The following UNC13C variants were observed in gnomAD, a reference collection of about 807,000 sequenced individuals.
UNC13C encodes unc-13 homolog C.
UNC13C carries 174 observed loss-of-function variants against 245.4 expected under a neutral mutation model. That is an observed-to-expected ratio of 0.71 (90% confidence interval 0.63 to 0.80). The LOEUF (loss-of-function observed/expected upper bound fraction) is 0.80. Ranked by LOEUF, UNC13C falls within the 30% of genes least tolerant of loss-of-function variation. UNC13C has a pLI of 0.00. For missense variants in UNC13C, 2,829 were observed against 2,602.9 expected (o/e 1.09, Z -1.89); for synonymous variants, 992 against 895.1 (o/e 1.11, Z -1.93).
chr15:54,609,705 C>G (rs149166245), intron 30 of UNC13C, among the ~76,000 whole-genome samples: 1 of 152,254 alleles, frequency 6.6e-6, no homozygotes. Flanking sequence ...CTTTCTTCCC[C>G]CTAAAATTGA....
chr15:54,389,690 G>A (rs567659898), intron 17 of UNC13C, among the ~76,000 whole-genome samples: 2 of 151,344 alleles, frequency 1.3e-5, no homozygotes, highest in African/African-American at 4.9e-5. Flanking sequence ...GTAGGCATCT[G>A]TCATGTGGTT....
chr15:53,948,094 T>G, the UNC13C span: 1 of 152,214 alleles, frequency 6.6e-6, no homozygotes, highest in Non-Finnish European at 1.5e-5. Flanking sequence ...GCTGGGAGTG[T>G]AAGCCAAAAC....
rs566461012 is a variant in UNC13C, at chr15:54,447,353, C to G, written c.4933+32286C>G. The stretch of plus-strand genomic sequence containing the variant: ...AATAGTTTCAGAAGGAATGGTACCA[C>G]CTCCTCCTTGTACCTCTGGTAGAAT... On this transcript the variant is annotated intron_variant, in intron 19 of 32. Transcript: ENST00000260323. 3.3e-3 allele frequency among the ~76,000 whole-genome samples: 495 copies of G among 152,240 alleles called. 4 individuals carry two copies. Among genetic ancestry groups the G allele is most frequent in the Admixed American group, 5.2e-3 (80 of 15,288 alleles).
At chr15:54,174,685 G>A (rs28738699) in intron 4 of UNC13C, among the ~76,000 whole-genome samples, 16,709 of 151,988 alleles carry the variant, frequency 0.11, 1,561 homozygotes, top group African/African-American at 0.25. Flanking sequence ...ACGAAGCCTG[G>A]ACCATATAAT....
At chr15:53,941,344 T>A in the UNC13C span, among the ~76,000 whole-genome samples, 2 of 152,134 alleles carry the variant, frequency 1.3e-5, no homozygotes, top group African/African-American at 4.8e-5. Context: ...ATAAAAACCA[T>A]AGAAGAAAAT....
At chr15:53,871,895 C>T in the UNC13C span, among the ~76,000 whole-genome samples, 1 of 152,206 alleles carries the variant, frequency 6.6e-6, no homozygotes, top group African/African-American at 2.4e-5. Context: ...CTTGTACACA[C>T]ACACACAAAA....
At chr15:54,368,900 G>A (rs559053057) in intron 17 of UNC13C, among the ~76,000 whole-genome samples, 1 of 152,142 alleles carries the variant, frequency 6.6e-6, no homozygotes, top group South Asian at 2.1e-4. Flanking sequence ...TAAAGCTGAG[G>A]AGTCTATTTC....
At position 54,264,413 on chromosome 15, in the gene UNC13C, T is replaced by TA; in HGVS notation, c.3676+23dup. The TA allele has an allele frequency of 6.5e-7, 1 of 1,535,452 alleles. No individual in the cohort carries two copies. The highest frequency in any genetic ancestry group is 8.8e-7 in the Non-Finnish European group (1 of 1,132,206). On this transcript the variant is annotated intron_variant, in intron 9 of 32. Coordinates refer to ENST00000260323, the MANE Select transcript of UNC13C (RefSeq NM_001080534.3). ...CATTACAGGTAAAAATAAGTCTTCTTAAAAATTTGTATTGTAAATTGAGAT... is the reference window on the plus strand; with the variant it reads ...CATTACAGGTAAAAATAAGTCTTCTTAAAAAATTTGTATTGTAAATTGAGAT...
rs561890074 is a variant in UNC13C at position 54,245,229 on chromosome 15, G to GA, written c.3229-4990dup. ...CATTTTTATTGAAAGTTTGAATTGG[G>GA]AAAAAAGAACATTTATAGTGCATAA... On this transcript the variant is annotated intron_variant, in intron 7 of 32. Coordinates refer to ENST00000260323, the MANE Select transcript of UNC13C (RefSeq NM_001080534.3). Among the ~76,000 whole-genome samples the GA allele has an allele frequency of 2.6e-3, 401 of 152,098 alleles. 2 individuals carry two copies. The highest frequency in any genetic ancestry group is 9.5e-3 in the African/African-American group (394 of 41,532).
chr15:54,045,877 T>C (rs1046122212), intron 2 of UNC13C, among the ~76,000 whole-genome samples: 1 of 152,220 alleles, frequency 6.6e-6, no homozygotes, highest in Non-Finnish European at 1.5e-5. Context: ...ATTCTATCAG[T>C]CTTTTTACAT....
At chr15:54,059,329 CAGAG>C (rs1410952116) in intron 2 of UNC13C, among the ~76,000 whole-genome samples, 2 of 152,090 alleles carry the variant, frequency 1.3e-5, no homozygotes, top group African/African-American at 4.8e-5. Flanking sequence ...AACAGACAAA[CAGAG>C]AGCCAAATCA....
chr15:54,170,948 G>C (rs897138799), intron 4 of UNC13C, among the ~76,000 whole-genome samples: 3 of 152,126 alleles, frequency 2.0e-5, no homozygotes, highest in African/African-American at 7.2e-5. Flanking sequence ...GAGGGGGTTT[G>C]TTTACAAAAG....
Position 54,014,554 on chromosome 15 carries a change from T to A in UNC13C, c.1651T>A (p.Ser551Thr). The A allele has an allele frequency of 6.2e-7, 1 of 1,613,842 alleles. No homozygotes were observed. The highest frequency in any genetic ancestry group is 2.2e-5 in the East Asian group (1 of 44,882). ...CACTGCTAAACTTAGTCGTTCTGAA[T>A]CAGATTTTTCCAAATTGTGTCAGTC... ...FFTAKLSRSE[S>T]DFSKLCQSYS... The change falls in exon 2 of 33, where the codon TCA becomes ACA. Residue 551 changes from serine (S) to threonine (T), a missense_variant. Transcript: ENST00000260323.
chr15:54,559,308 A>T (rs1235779555), intron 29 of UNC13C, among the ~76,000 whole-genome samples: 1 of 152,002 alleles, frequency 6.6e-6, no homozygotes, highest in African/African-American at 2.4e-5. Context: ...ACCACATTTT[A>T]TTCCTCTGTG....
At chr15:54,058,027 C>T (rs1311641475) in intron 2 of UNC13C, among the ~76,000 whole-genome samples, 1 of 152,162 alleles carries the variant, frequency 6.6e-6, no homozygotes, top group Non-Finnish European at 1.5e-5. Flanking sequence ...CTAAAATTGA[C>T]ACCCTAACAT....
At chr15:54,018,659 T>A (rs759053882) in intron 2 of UNC13C, among the ~76,000 whole-genome samples, 18 of 152,164 alleles carry the variant, frequency 1.2e-4, no homozygotes, top group Non-Finnish European at 2.9e-5. Flanking sequence ...GACTCTCTGA[T>A]CCCCCACCTT....
chr15:54,561,002 ACCAGTGTGTTTCTTTTTT>A (rs1897278653), intron 29 of UNC13C, among the ~76,000 whole-genome samples: 1 of 152,016 alleles, frequency 6.6e-6, no homozygotes, highest in Admixed American at 6.6e-5. Context: ...CTCTACTGCA[ACCAGTGTGTTTCTTTTTT>A]CCTCCTTTCC....
chr15:54,473,114 A>G (rs1892547772), intron 19 of UNC13C, among the ~76,000 whole-genome samples: 1 of 151,688 alleles, frequency 6.6e-6, no homozygotes. Flanking sequence ...AACATGTGGT[A>G]TTTGGTTTTC....
intron 17 of UNC13C, among the ~76,000 whole-genome samples, chr15:54,392,118 G>A (rs2039971124): frequency 6.6e-6 from 1 of 151,996 alleles, no homozygotes; most frequent in Admixed American, 6.6e-5. Context: ...ATATACTTAA[G>A]CGAAAATGTA....
Sources: gnomAD v4.1 joint callset for allele counts (sites outside exome capture counted in the v4.1 genomes callset) on GRCh38, gnomAD v4.1.1 for gene constraint, MANE v1.5 for transcripts, NCBI Gene and HGNC (gene_info 2026-07-23, HGNC 2026-07-21) for gene names.